The following ANXA4 variants were observed in gnomAD, a reference collection of about 807,000 sequenced individuals.
ANXA4 encodes annexin A4.
Under a neutral mutation model 49.8 loss-of-function variants are expected in ANXA4, and 39 were observed. The ratio of observed to expected loss-of-function variants is 0.78; its 90% CI spans 0.61 to 1.02. The LOEUF is 1.02. ANXA4 is among the 50% of genes least tolerant of loss of function. The pLI is 0.00. For synonymous variants in ANXA4, 134 were observed against 152.5 expected (o/e 0.88, Z 0.89); for missense variants, 360 against 410.1 (o/e 0.88, Z 1.05).
chr2:69,777,448 G>T (rs1242174728), intron 1 of ANXA4, among the ~76,000 whole-genome samples: 1 of 152,140 alleles, frequency 6.6e-6, no homozygotes, highest in Non-Finnish European at 1.5e-5. Context: ...GAACTCAGGT[G>T]CGGTTAACCG....
At chr2:69,768,465 C>T (rs891518917) in intron 1 of ANXA4, among the ~76,000 whole-genome samples, 4 of 152,078 alleles carry the variant, frequency 2.6e-5, no homozygotes, top group Admixed American at 6.5e-5. Context: ...AGTTCAACCA[C>T]GTCATCTCTG....
intron 1 of ANXA4, among the ~76,000 whole-genome samples, chr2:69,646,226 T>C (rs1053700887): frequency 2.0e-5 from 3 of 152,194 alleles, no homozygotes; most frequent in Admixed American, 6.5e-5. Context: ...GAGTACAAAA[T>C]AATGAACAGA....
intron 2 of ANXA4, among the ~76,000 whole-genome samples, chr2:69,713,339 C>A (rs756093265): frequency 3.3e-5 from 5 of 152,082 alleles, no homozygotes; most frequent in Non-Finnish European, 5.9e-5. Flanking sequence ...GTCACTCATT[C>A]TCCCCAAGGA....
intron 2 of ANXA4, among the ~76,000 whole-genome samples, chr2:69,715,291 C>A (rs1678842383): frequency 6.6e-6 from 1 of 152,134 alleles, no homozygotes; most frequent in African/African-American, 2.4e-5. Context: ...CTCACCACAA[C>A]CTCCCCCTCC....
chr2:69,708,487 C>T (rs1242713359), intron 2 of ANXA4, among the ~76,000 whole-genome samples: 1 of 151,918 alleles, frequency 6.6e-6, no homozygotes, highest in South Asian at 2.1e-4. Context: ...CCCGGCTACT[C>T]GGGAGGCTGA....
chr2:69,683,448 A>C (rs1017085061), intron 2 of ANXA4, among the ~76,000 whole-genome samples: 2 of 152,166 alleles, frequency 1.3e-5, no homozygotes, highest in Non-Finnish European at 2.9e-5. Context: ...AGGAAGAATG[A>C]TTGTGAGATG....
chr2:69,659,065 T>G (rs2105320210), intron 2 of ANXA4, among the ~76,000 whole-genome samples: 2 of 152,330 alleles, frequency 1.3e-5, no homozygotes, highest in South Asian at 4.1e-4. Context: ...AAAATGTATC[T>G]AGTTAGTAAA....
chr2:69,777,814 C>T (rs990975234), intron 1 of ANXA4, among the ~76,000 whole-genome samples: 2 of 152,194 alleles, frequency 1.3e-5, no homozygotes, highest in Non-Finnish European at 2.9e-5. Flanking sequence ...CCTTCCGGAT[C>T]GCCCTGCCCA....
At chr2:69,692,068 A>G (rs1184084178) in intron 2 of ANXA4, among the ~76,000 whole-genome samples, 1 of 152,086 alleles carries the variant, frequency 6.6e-6, no homozygotes, top group Non-Finnish European at 1.5e-5. Context: ...GTATTTTTGT[A>G]GAGACAGGGT....
chr2:69,692,138 G>A (rs1414175097), intron 2 of ANXA4, among the ~76,000 whole-genome samples: 6 of 152,090 alleles, frequency 3.9e-5, no homozygotes, highest in African/African-American at 1.4e-4. Context: ...ACCCACCTCG[G>A]CCTCCCAAAG....
chr2:69,673,654 T>C (rs1417069068), intron 2 of ANXA4, among the ~76,000 whole-genome samples: 3 of 149,184 alleles, frequency 2.0e-5, no homozygotes, highest in Non-Finnish European at 3.0e-5. Flanking sequence ...TTAAAGTATA[T>C]TAAAAAAAAA....
intron 2 of ANXA4, among the ~76,000 whole-genome samples, chr2:69,785,909 T>C (rs951855915): frequency 1.3e-5 from 2 of 152,216 alleles, no homozygotes; most frequent in East Asian, 3.8e-4. Context: ...GGACCTGTAC[T>C]GTTGGAGAGA....
At chr2:69,649,888 C>T (rs1676163570) in intron 1 of ANXA4, among the ~76,000 whole-genome samples, 1 of 143,142 alleles carries the variant, frequency 7.0e-6, no homozygotes, top group Admixed American at 7.1e-5. Context: ...TCCCAAACTG[C>T]TGGGATTAAA....
chr2:69,690,385 C>T (rs575766942), intron 2 of ANXA4, among the ~76,000 whole-genome samples: 6 of 152,116 alleles, frequency 3.9e-5, no homozygotes, highest in Admixed American at 6.5e-5. Context: ...ATTACAGGCA[C>T]GCACCACCAT....
At chr2:69,684,940 A>C (rs577000866) in intron 2 of ANXA4, among the ~76,000 whole-genome samples, 1 of 152,310 alleles carries the variant, frequency 6.6e-6, no homozygotes, top group South Asian at 2.1e-4. Flanking sequence ...AGCTGCTCCA[A>C]GTGATTTCAA....
chr2:69,780,060 C>A (rs753516372), intron 1 of ANXA4, among the ~76,000 whole-genome samples: 6 of 152,210 alleles, frequency 3.9e-5, no homozygotes, highest in Non-Finnish European at 8.8e-5. Flanking sequence ...TAGTTATCAT[C>A]AAAAGGCACA....
chr2:69,787,972 C>T, intron 2 of ANXA4, 82 bp from the exon 3 acceptor site: 1 of 1,221,028 alleles, frequency 8.2e-7, no homozygotes, highest in African/African-American at 1.5e-5. Flanking sequence ...ATGGTCAGTG[C>T]TCAACAAATG....
upstream of ANXA4, among the ~76,000 whole-genome samples, chr2:69,741,356 G>A (rs570216280): frequency 2.0e-5 from 3 of 152,306 alleles, no homozygotes; most frequent in Non-Finnish European, 4.4e-5. Flanking sequence ...CGTCCAGCAG[G>A]GGAAGCAGAT....
chr2:69,798,637 C>G (rs553709678), intron 3 of ANXA4, among the ~76,000 whole-genome samples: 2 of 152,376 alleles, frequency 1.3e-5, no homozygotes, highest in East Asian at 3.9e-4. Flanking sequence ...CCCCAGCAAG[C>G]CTCACATCTG....
Sources: gnomAD v4.1 joint callset for allele counts (sites outside exome capture counted in the v4.1 genomes callset) on GRCh38, gnomAD v4.1.1 for gene constraint, MANE v1.5 for transcripts, NCBI Gene and HGNC (gene_info 2026-07-23, HGNC 2026-07-21) for gene names.